Variants in CCDC141 observed in about 807,000 individuals in gnomAD.
CCDC141 encodes coiled-coil domain containing 141.
In CCDC141, 168 loss-of-function variants were observed where a neutral mutation model predicts 181.0. The observed-to-expected ratio is 0.93, with a 90% CI of 0.82 to 1.05. CCDC141 has a LOEUF of 1.05. Ranked by LOEUF, CCDC141 falls within the 50% of genes least tolerant of loss-of-function variation. CCDC141 has a pLI of 0.00. For missense variants in CCDC141, 1,902 were observed against 1,788.5 expected (o/e 1.06, Z -1.14); for synonymous variants, 666 against 642.3 (o/e 1.04, Z -0.56).
chr2:178,916,949 T>TA (rs1392166707), intron 7 of CCDC141, among the ~76,000 whole-genome samples: 2 of 151,708 alleles, frequency 1.3e-5, no homozygotes, highest in African/African-American at 4.8e-5. Context: ...CTTTTTTTTT[T>TA]TAAAAAAAAG....
chr2:178,887,764 A>C (rs761887425), intron 9 of CCDC141, among the ~76,000 whole-genome samples: 1 of 152,226 alleles, frequency 6.6e-6, no homozygotes, highest in African/African-American at 2.4e-5. Flanking sequence ...TACTAATTCT[A>C]TTCATGTAAG....
At chr2:178,943,811 A>G (rs1409753514) in intron 6 of CCDC141, among the ~76,000 whole-genome samples, 1 of 152,086 alleles carries the variant, frequency 6.6e-6, no homozygotes, top group Non-Finnish European at 1.5e-5. Flanking sequence ...CAATGGAGAG[A>G]AGGTCAACCA....
chr2:179,041,084 TTTG>T (rs1180032780), intron 2 of CCDC141, among the ~76,000 whole-genome samples: 2 of 152,084 alleles, frequency 1.3e-5, no homozygotes, highest in Non-Finnish European at 2.9e-5. Flanking sequence ...TGTTTGTTTG[TTTG>T]TTGAGACAGA....
At chr2:178,914,122 C>T (rs1209346686) in intron 7 of CCDC141, among the ~76,000 whole-genome samples, 1 of 152,020 alleles carries the variant, frequency 6.6e-6, no homozygotes, top group Non-Finnish European at 1.5e-5. Flanking sequence ...TCTATAATCC[C>T]GAAGGATGAA....
At position 179,008,204 on chromosome 2, in the gene CCDC141, A is replaced by C. The variant is rs533180798; in HGVS notation, c.226-29529T>G. On this transcript the variant is annotated intron_variant, in intron 2 of 23. Coordinates refer to ENST00000443758, the MANE Select transcript of CCDC141 (RefSeq NM_173648.4). ...TTTAGAGTATTTTGGTCAAACAAAA[A>C]TATACAACCACACTGTTAGTCATAC... Among the ~76,000 whole-genome samples, 4 of 152,326 alleles carry C rather than the reference A, an allele frequency of 2.6e-5. No individual in the cohort carries two copies. In the South Asian group the frequency reaches 6.2e-4, roughly 24 times the overall value.
At chr2:178,957,567 G>T (rs1690213807) in intron 5 of CCDC141, among the ~76,000 whole-genome samples, 1 of 152,158 alleles carries the variant, frequency 6.6e-6, no homozygotes, top group African/African-American at 2.4e-5. Context: ...GTGTTCCTTG[G>T]TATTTATCTA....
At chr2:178,981,413 GAATTA>G (rs1312700225) in intron 2 of CCDC141, among the ~76,000 whole-genome samples, 2 of 151,106 alleles carry the variant, frequency 1.3e-5, no homozygotes, top group Non-Finnish European at 3.0e-5. Flanking sequence ...GACCACAAAA[GAATTA>G]AACTAAATGT....
At chr2:178,975,619 CACTT>C (rs1262537367) in intron 3 of CCDC141, among the ~76,000 whole-genome samples, 3 of 152,058 alleles carry the variant, frequency 2.0e-5, no homozygotes, top group East Asian at 1.9e-4. Flanking sequence ...CTTAGGAACT[CACTT>C]AGAGAGAAGG....
At chr2:179,009,020 A>G (rs2042189763) in intron 2 of CCDC141, among the ~76,000 whole-genome samples, 3 of 152,098 alleles carry the variant, frequency 2.0e-5, no homozygotes, top group African/African-American at 4.8e-5. Context: ...CAATCTTTTT[A>G]TCCCTAGCAC....
intron 14 of CCDC141, among the ~76,000 whole-genome samples, chr2:178,870,550 G>C (rs1686072028): frequency 6.6e-6 from 1 of 152,142 alleles, no homozygotes; most frequent in Non-Finnish European, 1.5e-5. Context: ...CCTAATATAG[G>C]CCAGTCACAT....
At chr2:179,015,328 C>G (rs1311419777) in intron 2 of CCDC141, among the ~76,000 whole-genome samples, 4 of 138,728 alleles carry the variant, frequency 2.9e-5, no homozygotes, top group African/African-American at 1.1e-4. Context: ...ATATATGTAT[C>G]ATACATATCT....
chr2:178,903,763 T>TTC (rs1350828948), intron 8 of CCDC141, among the ~76,000 whole-genome samples: 1 of 143,708 alleles, frequency 7.0e-6, no homozygotes, highest in Non-Finnish European at 1.5e-5. Flanking sequence ...TAGTAATAAT[T>TTC]TAAAAAAAAA....
At chr2:178,928,348 G>A (rs1409597623) in intron 6 of CCDC141, among the ~76,000 whole-genome samples, 4 of 152,306 alleles carry the variant, frequency 2.6e-5, no homozygotes, top group Non-Finnish European at 4.4e-5. Context: ...CATTAAATAA[G>A]TCACTAAATG....
chr2:178,836,745 G>T, intron 23 of CCDC141, 149 bp downstream of exon 23: 1 of 770,198 alleles, frequency 1.3e-6, no homozygotes, highest in Non-Finnish European at 2.1e-6. Flanking sequence ...AAATGAGAGG[G>T]GTCTGATGTG....
chr2:178,869,380 C>T (rs1156515660), intron 14 of CCDC141, 75 bp from the exon 15 acceptor site: 7 of 1,015,076 alleles, frequency 6.9e-6, no homozygotes, highest in Admixed American at 3.0e-5. Context: ...ATATAAAGGT[C>T]TAAACAATGA....
intron 5 of CCDC141, among the ~76,000 whole-genome samples, chr2:178,957,583 A>T (rs1018594723): frequency 6.6e-6 from 1 of 152,266 alleles, no homozygotes; most frequent in Non-Finnish European, 1.5e-5. Flanking sequence ...ATCTATATAA[A>T]TTGAAAACTT....
At chr2:179,018,575 T>C (rs1041336317) in intron 2 of CCDC141, among the ~76,000 whole-genome samples, 7 of 152,190 alleles carry the variant, frequency 4.6e-5, no homozygotes, top group Non-Finnish European at 8.8e-5. Flanking sequence ...TCTGCCTATC[T>C]AAAACCTGTG....
At chr2:178,892,170 A>G (rs1687186117) in intron 8 of CCDC141, among the ~76,000 whole-genome samples, 1 of 152,106 alleles carries the variant, frequency 6.6e-6, no homozygotes, top group Non-Finnish European at 1.5e-5. Flanking sequence ...CTTCTTTGGT[A>G]TGCTTTAGCA....
intron 6 of CCDC141, among the ~76,000 whole-genome samples, chr2:178,923,678 C>T (rs1486642622): frequency 6.6e-6 from 1 of 152,118 alleles, no homozygotes; most frequent in African/African-American, 2.4e-5. Flanking sequence ...GAGATGCGTG[C>T]GTATCTCCGA....
Sources: allele counts gnomAD v4.1 joint callset (sites outside exome capture counted in the v4.1 genomes callset), GRCh38; gene constraint gnomAD v4.1.1; transcripts MANE v1.5; gene names NCBI Gene and HGNC (gene_info 2026-07-23, HGNC 2026-07-21).